The following ZAN variants were observed in gnomAD, a reference collection of about 807,000 sequenced individuals.
ZAN encodes the protein zonadhesin (gene/pseudogene).
In ZAN, 260 loss-of-function variants were observed where a neutral mutation model predicts 286.2. The ratio of observed to expected loss-of-function variants is 0.91; its 90% CI spans 0.82 to 1.01. The LOEUF (loss-of-function observed/expected upper bound fraction) is 1.01, where lower values mean the gene tolerates loss of function less well. Ranked by LOEUF, ZAN falls within the 50% of genes least tolerant of loss-of-function variation. ZAN has a pLI of 0.00. For missense variants in ZAN, 3,410 were observed against 3,639.2 expected (o/e 0.94, Z 1.62); for synonymous variants, 1,368 against 1,417.5 (o/e 0.97, Z 0.79).
In ZAN at chr7:100,797,631, C is replaced by A. The variant is rs778334120; in HGVS notation, c.8413+8C>A. ...CCAGGCTGGTGGACACAGGTGAGAA[C>A]CAACCCCACAGCCCGGAACCTCGGG... On this transcript the variant is annotated splice_region_variant and intron_variant, in intron 47 of 47. Coordinates refer to ENST00000613979, the MANE Select transcript of ZAN (RefSeq NM_003386.3). 1.2e-6 allele frequency: 2 copies of A among 1,613,788 alleles called. No homozygotes were observed. The highest frequency in any genetic ancestry group is 8.5e-7 in the Non-Finnish European group (1 of 1,179,886).
At chr7:100,787,804 C>A in intron 37 of ZAN, 85 bp from the exon 38 acceptor site, 3 of 1,342,232 alleles carry the variant, frequency 2.2e-6, no homozygotes, top group Admixed American at 3.1e-5. Flanking sequence ...TCAGGTCATC[C>A]ACCCGCCTTG....
chr7:100,794,768 T>C (rs1209315827), intron 44 of ZAN, among the ~76,000 whole-genome samples: 1 of 151,562 alleles, frequency 6.6e-6, no homozygotes, highest in Non-Finnish European at 1.5e-5. Flanking sequence ...GCCCAAGAAA[T>C]TGAGGCTACA....
chr7:100,746,559 A>C lies in ZAN; in HGVS notation c.788A>C (p.Asp263Ala), dbSNP rs918460828. ...SPGSGCYMLL[D>A]PKNARPGQKA... ...ACAGGTGGCTGCTACATGCTCCTGGACCCCAAGAATGCAAGACCTGGGCAG... is the reference window on the plus strand; with the variant it reads ...ACAGGTGGCTGCTACATGCTCCTGGCCCCCAAGAATGCAAGACCTGGGCAG... Residue 263 changes from aspartate (D) to alanine (A), a missense_variant, in exon 8 of 48, where the codon GAC becomes GCC. By Grantham distance (126) the Asp-to-Ala change is moderately radical. Around this residue, in one of 7 missense-constraint regions of ZAN, gnomAD observed 872 missense variants for 938.9 expected, o/e 0.93. Transcript: ENST00000613979. The C allele has an allele frequency of 1.9e-6, 3 of 1,613,798 alleles. No individual in the cohort carries two copies. The highest frequency in any genetic ancestry group is 1.7e-5 in the Admixed American group (1 of 59,974).
At chr7:100,795,741 C>T (rs1276696960) in intron 45 of ZAN, among the ~76,000 whole-genome samples, 1 of 151,604 alleles carries the variant, frequency 6.6e-6, no homozygotes, top group East Asian at 1.9e-4. Flanking sequence ...CCCGTCTCTA[C>T]TAAAAATACA....
intron 37 of ZAN, among the ~76,000 whole-genome samples, 169 bp from the exon 38 acceptor site, chr7:100,787,720 C>G (rs1420690523): frequency 6.6e-6 from 1 of 152,182 alleles, no homozygotes; most frequent in Non-Finnish European, 1.5e-5. Flanking sequence ...CACCACCACA[C>G]CTGGCTAATT....
chr7:100,792,484 G>C lies in ZAN; in HGVS notation c.7787+5G>C. The C allele has an allele frequency of 1.2e-6, 2 of 1,613,760 alleles. No individual in the cohort carries two copies. The highest frequency in any genetic ancestry group is 1.7e-4 in the Middle Eastern group (1 of 6,060). ...GCGTTGCCAGGTCCTCAGTGGGTAC[G>C]CCATCCTCTGCCAGGAGGCGGGCGC... On this transcript the variant is annotated splice_donor_5th_base_variant and intron_variant, in intron 42 of 47. Coordinates refer to ENST00000613979, the MANE Select transcript of ZAN (RefSeq NM_003386.3).
chr7:100,745,197 C>T (rs1443598467), intron 7 of ZAN, among the ~76,000 whole-genome samples: 1 of 151,582 alleles, frequency 6.6e-6, no homozygotes, highest in African/African-American at 2.4e-5. Flanking sequence ...TCCTTGATTT[C>T]TCTTTCATCA....
chr7:100,748,247 T>G lies in ZAN; in HGVS notation c.1102+32T>G, dbSNP rs370323444. On this transcript the variant is annotated intron_variant, in intron 10 of 47. Coordinates refer to ENST00000613979, the MANE Select transcript of ZAN (RefSeq NM_003386.3). ...GCAGGCCCTGAGAGGCCCGGATCTC[T>G]CAGAATCCGGGGTGGGCTGGGGGAG... 6.8e-6 allele frequency: 11 copies of G among 1,613,558 alleles called. No homozygotes were observed. The African/African-American group carries it at 1.3e-4, about 20-fold the overall frequency.
chr7:100,741,516 A>AC (rs1447354339), intron 7 of ZAN, among the ~76,000 whole-genome samples: 10 of 33,666 alleles, frequency 3.0e-4, no homozygotes, highest in Non-Finnish European at 3.3e-4. Context: ...AGGGGGGCTG[A>AC]CCCCCCCCAC....
At chr7:100,783,763 A>AATATATATAT (rs1554409733) in intron 35 of ZAN, among the ~76,000 whole-genome samples, 102 of 7,472 alleles carry the variant, frequency 0.014, 6 homozygotes, top group Middle Eastern at 0.25. Context: ...AAAAAAAAAA[A>AATATATATAT]ATATATATAT....
At chr7:100,764,921 G>A (rs570875837) in intron 22 of ZAN, among the ~76,000 whole-genome samples, 3 of 152,050 alleles carry the variant, frequency 2.0e-5, no homozygotes, top group South Asian at 2.1e-4. Flanking sequence ...GTCATCACAC[G>A]CAGGCACACG....
intron 12 of ZAN, 133 bp downstream of exon 12, chr7:100,751,029 A>C: frequency 7.1e-7 from 1 of 1,417,560 alleles, no homozygotes; most frequent in Non-Finnish European, 9.4e-7. Context: ...CGTGTTACAG[A>C]AAGTGAGAAA....
At chr7:100,785,874 G>A (rs914162104) in intron 36 of ZAN, 123 bp from the exon 37 acceptor site, 6 of 1,302,006 alleles carry the variant, frequency 4.6e-6, no homozygotes, top group Non-Finnish European at 4.1e-6. Context: ...GGCTGGGCTC[G>A]TCACAAACTC....
chr7:100,768,575 C>T lies in ZAN; in HGVS notation c.5042-35C>T, dbSNP rs111600108. 7.1e-6 allele frequency: 11 copies of T among 1,545,560 alleles called. No individual in the cohort carries two copies. In the South Asian group the frequency reaches 1.3e-4, roughly 19 times the overall value. ...CCTGGGGCCTGGCCTGCTGGGGGGC[C>T]CCTTCTTGCCTGTTTTAATGACTCC... On this transcript the variant is annotated intron_variant, in intron 26 of 47. Coordinates refer to ENST00000613979, the MANE Select transcript of ZAN (RefSeq NM_003386.3).
At position 100,767,134 on chromosome 7, in the gene ZAN, C is replaced by A; in HGVS notation, c.4737C>A (p.Ser1579Arg). ...CTTGCTGGTCCAGGTCCCAAGACAGCTATTTTGTTGTGAGCGCCACCAACG... is the reference window on the plus strand; with the variant it reads ...CTTGCTGGTCCAGGTCCCAAGACAGATATTTTGTTGTGAGCGCCACCAACG... Reference protein sequence around the residue: ...TRPCWSRSQDSYFVVSATNEN... With the variant: ...TRPCWSRSQDRYFVVSATNEN... Residue 1579 changes from serine (S) to arginine (R), a missense_variant, in exon 25 of 48, where the codon AGC becomes AGA. Around this residue, in one of 7 missense-constraint regions of ZAN, gnomAD observed 1,042 missense variants for 1,058.0 expected, o/e 0.98. Coordinates refer to ENST00000613979, the MANE Select transcript of ZAN (RefSeq NM_003386.3). 2 of 1,613,970 alleles carry A rather than the reference C, an allele frequency of 1.2e-6. No individual in the cohort carries two copies. The highest frequency in any genetic ancestry group is 1.7e-6 in the Non-Finnish European group (2 of 1,179,888).
chr7:100,746,434 T>A lies in ZAN; in HGVS notation c.767-104T>A, dbSNP rs1808222790. On this transcript the variant is annotated intron_variant, in intron 7 of 47. Coordinates refer to ENST00000613979, the MANE Select transcript of ZAN (RefSeq NM_003386.3). Reference sequence around the variant, plus strand: ...GTGCTGCCTGATTCTAGGCTGCTGTTGGGGATCCCCAGAGACAAGTCCACA... The same window carrying A: ...GTGCTGCCTGATTCTAGGCTGCTGTAGGGGATCCCCAGAGACAAGTCCACA... 3 of 1,422,320 alleles carry A rather than the reference T, an allele frequency of 2.1e-6. No homozygotes were observed. The East Asian group carries it at 7.4e-5, about 35-fold the overall frequency. 88.1% of individuals were successfully genotyped at this position (1,422,320 alleles called of 1,614,324 possible).
At chr7:100,776,587 T>C (rs1185305794) in intron 34 of ZAN, 23 bp downstream of exon 34, 6 of 1,500,508 alleles carry the variant, frequency 4.0e-6, no homozygotes, top group Non-Finnish European at 5.4e-6. Context: ...TAAGACCCTC[T>C]AGGTTTTCTT....
intron 7 of ZAN, among the ~76,000 whole-genome samples, chr7:100,741,962 G>A (rs1807818427): frequency 1.4e-4 from 6 of 44,426 alleles, no homozygotes; most frequent in African/African-American, 4.2e-4. Flanking sequence ...CGGGCGGGGG[G>A]CTGACCCCCC....
chr7:100,779,228 G>C (rs546709586), intron 34 of ZAN, among the ~76,000 whole-genome samples: 2 of 151,564 alleles, frequency 1.3e-5, no homozygotes, highest in Non-Finnish European at 1.5e-5. Flanking sequence ...AATTGGTCGG[G>C]CGTGGTGGTG....
Sources: allele counts gnomAD v4.1 joint callset (sites outside exome capture counted in the v4.1 genomes callset), GRCh38; gene constraint gnomAD v4.1.1; regional missense constraint gnomAD v4.1.1; transcripts MANE v1.5; gene names NCBI Gene and HGNC (gene_info 2026-07-23, HGNC 2026-07-21).